NIBAN2: variants seen among roughly 807,000 people sequenced by gnomAD.
NIBAN2 encodes the protein niban apoptosis regulator 2.
In NIBAN2, 36 loss-of-function variants were observed where a neutral mutation model predicts 81.8. That is an observed-to-expected ratio of 0.44 (90% confidence interval 0.34 to 0.58). The LOEUF (loss-of-function observed/expected upper bound fraction) is 0.58. Among genes scored for constraint, NIBAN2 ranks in the 20% least tolerant of loss-of-function variants. The pLI, the probability that NIBAN2 is intolerant of heterozygous loss-of-function variation, is 0.02. For missense variants in NIBAN2, 897 were observed against 1,014.1 expected, an observed-to-expected ratio of 0.88 and a Z score of 1.57; for synonymous variants, 445 against 441.6, an observed-to-expected ratio of 1.01 and a Z score of -0.10.
At chr9:127,523,254 A>T (rs1271240297) in intron 5 of NIBAN2, among the ~76,000 whole-genome samples, 10 of 109,420 alleles carry the variant, frequency 9.1e-5, no homozygotes, top group Non-Finnish European at 1.3e-4. Flanking sequence ...TATATATATA[A>T]AATTAAAAAA....
chr9:127,550,948 C>G (rs1008153546), intron 1 of NIBAN2, among the ~76,000 whole-genome samples: 3 of 151,972 alleles, frequency 2.0e-5, no homozygotes, highest in Non-Finnish European at 2.9e-5. Context: ...CTTCAACCCC[C>G]TGTCCCGTGT....
At chr9:127,566,736 G>A (rs1396122946) in intron 1 of NIBAN2, among the ~76,000 whole-genome samples, 1 of 152,134 alleles carries the variant, frequency 6.6e-6, no homozygotes, top group Non-Finnish European at 1.5e-5. Flanking sequence ...TTAATTGCCA[G>A]CTTTGAGAGT....
chr9:127,506,015 G>A lies in NIBAN2; in HGVS notation c.*830C>T, dbSNP rs1361220492. 6.5e-6 allele frequency: 1 copy of A among 152,986 alleles called. No homozygotes were observed. The highest frequency in any genetic ancestry group is 1.5e-5 in the Non-Finnish European group (1 of 68,660). The allele number at this position is 152,986 out of a possible 1,614,324, so 9.5% of individuals were successfully genotyped here. On this transcript the variant is annotated 3_prime_UTR_variant, in exon 14 of 14. Transcript: ENST00000373312. ...TGCCGCTCCATCCCCAACCACCAGA[G>A]GGACAGGGACCAGAGGGAGACCTGT... is the stretch of plus-strand genomic sequence containing the variant.
chr9:127,569,228 C>G (rs1343241674), upstream of NIBAN2: 6 of 381,206 alleles, frequency 1.6e-5, no homozygotes, highest in Non-Finnish European at 1.8e-5. Context: ...GTCCTGCACC[C>G]CCCTGCGCCC....
intron 1 of NIBAN2, among the ~76,000 whole-genome samples, chr9:127,558,464 G>C (rs2252983): frequency 0.38 from 57,382 of 152,024 alleles, 11,287 homozygotes; most frequent in Middle Eastern, 0.46. Context: ...TCAGTTTACT[G>C]GGGCATGAGA....
chr9:127,507,910 G>A lies in NIBAN2; in HGVS notation c.1611C>T (p.Tyr537=), dbSNP rs61732274. Residue 537 remains tyrosine, a synonymous_variant, in exon 13 of 14, where the codon TAC becomes TAT. Transcript: ENST00000373312. The surrounding 1 kb of genome is among the most constrained non-coding windows in gnomAD (Gnocchi z 6.8). Reference sequence around the variant, plus strand: ...TGACGGTCTGCAGCACCACCTCCTCGTACGTGTTTTCCACCAGGATGAACC... The same window carrying A: ...TGACGGTCTGCAGCACCACCTCCTCATACGTGTTTTCCACCAGGATGAACC... ...FARFILVENT[Y]EEVVLQTVMK... The A allele has an allele frequency of 1.4e-3, 2,227 of 1,614,152 alleles. 30 individuals carry two copies. The African/African-American group carries it at 0.026, about 19-fold the overall frequency.
rs1209368972 is a variant in NIBAN2, at chr9:127,545,442, G to A, written c.56-13664C>T. Among the ~76,000 whole-genome samples, 5 of 152,248 alleles carry A rather than the reference G, an allele frequency of 3.3e-5. No individual in the cohort carries two copies. The highest frequency in any genetic ancestry group is 9.6e-5 in the African/African-American group (4 of 41,550). ...GGGGGGTGCTTGATAAACAAGTGCC[G>A]AACAAGTGTTAGGTCACCCAGCCTC... On this transcript the variant is annotated intron_variant, in intron 1 of 13. Transcript: ENST00000373312. The surrounding 1 kb of genome is among the most constrained non-coding windows in gnomAD (Gnocchi z 4.7).
At chr9:127,557,600 C>A (rs994338840) in intron 1 of NIBAN2, among the ~76,000 whole-genome samples, 1 of 152,254 alleles carries the variant, frequency 6.6e-6, no homozygotes, top group East Asian at 1.9e-4. Context: ...AACAGCTCCT[C>A]TCGGATTCTG....
At chr9:127,523,916 G>T in intron 4 of NIBAN2, 70 bp from the exon 5 acceptor site, 1 of 1,517,908 alleles carries the variant, frequency 6.6e-7, no homozygotes, top group Non-Finnish European at 9.1e-7. Flanking sequence ...TCAGAGAACT[G>T]ATCCCTTGGC....
chr9:127,514,567 A>T (rs2132160676), intron 8 of NIBAN2, among the ~76,000 whole-genome samples: 1 of 152,328 alleles, frequency 6.6e-6, no homozygotes, highest in African/African-American at 2.4e-5. Flanking sequence ...TCTTCGTTTG[A>T]ACAAAAAGAA....
chr9:127,506,600 C>A lies in NIBAN2; in HGVS notation c.*245G>T. The A allele has an allele frequency of 2.4e-6, 1 of 414,846 alleles. No individual in the cohort carries two copies. The allele number at this position is 414,846 out of a possible 1,614,324, so 25.7% of individuals were successfully genotyped here. A position where few individuals can be genotyped will look rare whatever the true frequency, so the allele number is the denominator to read the frequency against. ...AGCAGTGTCCAGCCCTTGGCACAAG[C>A]AGGAAAACCCCAAAACCAGCCCCTG... On this transcript the variant is annotated 3_prime_UTR_variant, in exon 14 of 14. Transcript: ENST00000373312.
intron 5 of NIBAN2, among the ~76,000 whole-genome samples, chr9:127,523,218 T>A (rs1178953629): frequency 0.085 from 859 of 10,112 alleles, 301 homozygotes; most frequent in Non-Finnish European, 0.13. Flanking sequence ...TATATATATA[T>A]ATATATATAT....
chr9:127,508,188 C>A lies in NIBAN2; in HGVS notation c.1447G>T (p.Asp483Tyr). Residue 483 changes from aspartate to tyrosine, a missense_variant, in exon 12 of 14, where the codon GAC becomes TAC. By Grantham distance (160) the Asp-to-Tyr change is radical. Coordinates refer to ENST00000373312, the MANE Select transcript of NIBAN2 (RefSeq NM_022833.4). This position sits in a 1 kb window ranked among gnomAD's most constrained non-coding sequence, Gnocchi z 6.4. Reference sequence around the variant, plus strand: ...AACCTCTTCCGCACAGAGCTGCTGTCGTAGTCGTATTTCTGCAGGGAACAA... The same window carrying A: ...AACCTCTTCCGCACAGAGCTGCTGTAGTAGTCGTATTTCTGCAGGGAACAA... The part of the protein sequence containing the change: ...LERVLKKYDY[D>Y]SSSVRKRFFR... The A allele has an allele frequency of 6.2e-7, 1 of 1,613,228 alleles. No homozygotes were observed.
intron 8 of NIBAN2, among the ~76,000 whole-genome samples, chr9:127,513,127 T>C (rs899352562): frequency 3.3e-5 from 5 of 152,186 alleles, no homozygotes; most frequent in Non-Finnish European, 7.3e-5. Flanking sequence ...AAATATCACA[T>C]GTCCTCACTT....
At chr9:127,542,304 T>C (rs183152449) in intron 1 of NIBAN2, among the ~76,000 whole-genome samples, 50 of 152,284 alleles carry the variant, frequency 3.3e-4, no homozygotes, top group Non-Finnish European at 6.3e-4. Flanking sequence ...AGCCCCAGGC[T>C]GGGTGGGAGC....
intron 5 of NIBAN2, among the ~76,000 whole-genome samples, chr9:127,518,215 A>G (rs1300105844): frequency 6.6e-6 from 1 of 152,178 alleles, no homozygotes; most frequent in Non-Finnish European, 1.5e-5. Flanking sequence ...CCTGGGCACT[A>G]TCATTCACCT....
At chr9:127,572,335 A>G (rs1015693306), upstream of NIBAN2, among the ~76,000 whole-genome samples, 1 of 152,218 alleles carries the variant, frequency 6.6e-6, no homozygotes, top group Admixed American at 6.5e-5. Context: ...TAAACATGCA[A>G]GCACCTACTA....
At chr9:127,542,600 A>G (rs1039581991) in intron 1 of NIBAN2, among the ~76,000 whole-genome samples, 3 of 152,262 alleles carry the variant, frequency 2.0e-5, no homozygotes, top group East Asian at 1.9e-4. Context: ...GGTCCTGGGG[A>G]TGAGGAAATG....
At chr9:127,526,822 C>A (rs146054774) in intron 3 of NIBAN2, among the ~76,000 whole-genome samples, 1 of 152,022 alleles carries the variant, frequency 6.6e-6, no homozygotes, top group South Asian at 2.1e-4. Context: ...CTGTGGCTGT[C>A]GAGGGTGGGA....
Sources: gnomAD v4.1 joint callset for allele counts (sites outside exome capture counted in the v4.1 genomes callset) on GRCh38, gnomAD v4.1.1 for gene constraint, Gnocchi (gnomAD v3.1) non-coding constraint, MANE v1.5 for transcripts, NCBI Gene and HGNC (gene_info 2026-07-23, HGNC 2026-07-21) for gene names.